The following LTF variants were observed in gnomAD, a reference collection of about 807,000 sequenced individuals.
LTF encodes epididymis luminal protein 110.
In LTF, 91 loss-of-function variants were observed where a neutral mutation model predicts 87.2. That is an observed-to-expected ratio of 1.04 (90% CI 0.88 to 1.24). The LOEUF (loss-of-function observed/expected upper bound fraction) is 1.24, where lower values mean the gene tolerates loss of function less well. LTF is among the 50% of genes most tolerant of loss of function. The pLI, the probability that LTF is intolerant of heterozygous loss-of-function variation, is 0.00. For synonymous variants in LTF, 378 were observed against 356.1 expected (o/e 1.06, Z -0.69); for missense variants, 901 against 904.3 (o/e 1.00, Z 0.05).
intron 7 of LTF, 148 bp from the exon 8 acceptor site, chr3:46,450,176 C>A (rs1702767926): frequency 1.4e-6 from 1 of 702,068 alleles, no homozygotes; most frequent in Admixed American, 3.0e-5. Context: ...GGGACTTGTG[C>A]CATCTCGGAG....
intron 12 of LTF, among the ~76,000 whole-genome samples, chr3:46,444,613 C>T (rs1302564548): frequency 6.6e-6 from 1 of 152,216 alleles, no homozygotes; most frequent in African/African-American, 2.4e-5. Flanking sequence ...TGGTGAGGAG[C>T]AGAGCCACGT....
In LTF at chr3:46,459,606, C is replaced by G. The variant is rs376338792; in HGVS notation, c.207+50G>C. ...TCGTGTTCTATCTTTTTCCATTTCTCTCTCCCTTCCATTCAGCTTGGTCCC... is the reference window on the plus strand; with the variant it reads ...TCGTGTTCTATCTTTTTCCATTTCTGTCTCCCTTCCATTCAGCTTGGTCCC... On this transcript the variant is annotated intron_variant, in intron 2 of 16. Transcript: ENST00000231751. 6 of 1,365,360 alleles carry G rather than the reference C, an allele frequency of 4.4e-6. No individual in the cohort carries two copies. In the African/African-American group the frequency reaches 9.0e-5, roughly 20 times the overall value. The allele number at this position is 1,365,360 out of a possible 1,614,324, so 84.6% of individuals were successfully genotyped here.
rs367549612 is a variant in LTF at position 46,442,724 on chromosome 3, T to G, written c.1655+717A>C. On this transcript the variant is annotated intron_variant, in intron 13 of 16. Coordinates refer to ENST00000231751, the MANE Select transcript of LTF (RefSeq NM_002343.6). ...ATTACTGGAACAAGGCTGTTGAATT[T>G]ATATTAAAAAGTTCAGACACCCTCA... Among the ~76,000 whole-genome samples, 4 of 152,216 alleles carry G rather than the reference T, an allele frequency of 2.6e-5. No individual in the cohort carries two copies. In the East Asian group the frequency reaches 7.7e-4, roughly 29 times the overall value.
At chr3:46,469,773 T>C (rs2106915895), upstream of LTF, among the ~76,000 whole-genome samples, 1 of 152,258 alleles carries the variant, frequency 6.6e-6, no homozygotes, top group African/African-American at 2.4e-5. Flanking sequence ...CCTAAGAGTC[T>C]GGGAACGTTT....
intron 15 of LTF, among the ~76,000 whole-genome samples, 181 bp downstream of exon 15, chr3:46,439,115 G>T (rs1559590951): frequency 1.3e-5 from 2 of 152,158 alleles, no homozygotes; most frequent in Admixed American, 6.5e-5. Flanking sequence ...AGAGTCAAAA[G>T]CCTCTGTTGT....
upstream of LTF, chr3:46,468,301 G>A (rs2106914242): frequency 2.2e-6 from 1 of 456,744 alleles, no homozygotes; most frequent in East Asian, 6.9e-5. Flanking sequence ...GCCAGGAGTT[G>A]GGTCAGATCT....
intron 10 of LTF, among the ~76,000 whole-genome samples, chr3:46,446,754 C>T (rs1465800740): frequency 6.6e-6 from 1 of 152,122 alleles, no homozygotes; most frequent in Non-Finnish European, 1.5e-5. Context: ...ACTCACACAG[C>T]GACGAGACTG....
At chr3:46,440,707 C>T (rs1019515428) in intron 14 of LTF, among the ~76,000 whole-genome samples, 2 of 152,186 alleles carry the variant, frequency 1.3e-5, no homozygotes, top group African/African-American at 4.8e-5. Flanking sequence ...GCTGAGACTG[C>T]AGTGATTACT....
At position 46,450,064 on chromosome 3, in the gene LTF, T is replaced by C. The variant is rs2106863888; in HGVS notation, c.883-36A>G. On this transcript the variant is annotated intron_variant, in intron 7 of 16. Coordinates refer to ENST00000231751, the MANE Select transcript of LTF (RefSeq NM_002343.6). The stretch of plus-strand genomic sequence containing the variant: ...AAAAATAGAATTATGGTGTCAATGG[T>C]AAATAGGGAGGAAACAAAAAAATGA... 2.0e-6 allele frequency: 3 copies of C among 1,493,602 alleles called. No homozygotes were observed. In the East Asian group the frequency reaches 6.8e-5, roughly 34 times the overall value. The allele number at this position is 1,493,602 out of a possible 1,614,324, so 92.5% of individuals were successfully genotyped here.
At chr3:46,464,739 A>G in intron 1 of LTF, 86 bp downstream of exon 1, 2 of 1,502,158 alleles carry the variant, frequency 1.3e-6, no homozygotes, top group South Asian at 1.2e-5. Flanking sequence ...CGCCCAGCCA[A>G]CCGGACACAG....
chr3:46,452,297 C>T (rs1456264481), intron 6 of LTF, among the ~76,000 whole-genome samples: 2 of 152,066 alleles, frequency 1.3e-5, no homozygotes, highest in African/African-American at 2.4e-5. Context: ...AATAATTAGC[C>T]TCCCACAAAG....
intron 15 of LTF, 102 bp from the exon 16 acceptor site, chr3:46,438,231 A>G: frequency 3.1e-6 from 3 of 956,036 alleles, no homozygotes; most frequent in Non-Finnish European, 4.9e-6. Flanking sequence ...GCCCTGAGAA[A>G]ACCATGGGGC....
intron 12 of LTF, among the ~76,000 whole-genome samples, chr3:46,444,267 T>A (rs1353334971): frequency 1.3e-5 from 2 of 152,118 alleles, no homozygotes; most frequent in African/African-American, 4.8e-5. Context: ...AAAGCCCAGG[T>A]TCCAGACCCC....
intron 1 of LTF, among the ~76,000 whole-genome samples, chr3:46,478,582 C>T (rs1465181967): frequency 6.6e-6 from 1 of 152,148 alleles, no homozygotes; most frequent in Non-Finnish European, 1.5e-5. Flanking sequence ...GAGGAAGCAG[C>T]CGCAGGATGC....
chr3:46,484,183 AT>A (rs1703487082), intron 1 of LTF, among the ~76,000 whole-genome samples: 1 of 152,216 alleles, frequency 6.6e-6, no homozygotes, highest in African/African-American at 2.4e-5. Flanking sequence ...GAGCATGGAA[AT>A]TCGTAAATGG....
intron 1 of LTF, chr3:46,463,495 G>A (rs1236157685): frequency 1.9e-5 from 19 of 985,628 alleles, no homozygotes; most frequent in South Asian, 4.7e-5. Context: ...GAATTCCACA[G>A]GGCAACTGCC....
chr3:46,438,334 G>A (rs1015318663), intron 15 of LTF, among the ~76,000 whole-genome samples: 1 of 152,110 alleles, frequency 6.6e-6, no homozygotes, highest in Non-Finnish European at 1.5e-5. Flanking sequence ...CAGCATCCAG[G>A]CCTCGCACCA....
intron 1 of LTF, chr3:46,463,352 A>G (rs1575323715): frequency 1.7e-6 from 1 of 578,106 alleles, no homozygotes. Flanking sequence ...GGGAAACCTC[A>G]TGAGTGCCTC....
In LTF at chr3:46,454,421, G is replaced by C. The variant is rs961008432; in HGVS notation, c.648-61C>G. ...CAGCCCTCCCCAGCCCCTCCCTGTG[G>C]AACAGTAGCCCTGGCACTCAGCATC... is the stretch of plus-strand genomic sequence containing the variant. On this transcript the variant is annotated intron_variant, in intron 5 of 16. Coordinates refer to ENST00000231751, the MANE Select transcript of LTF (RefSeq NM_002343.6). 6 of 1,360,680 alleles carry C rather than the reference G, an allele frequency of 4.4e-6. No homozygotes were observed. The African/African-American group carries it at 8.6e-5, about 19-fold the overall frequency. The allele number at this position is 1,360,680 out of a possible 1,614,324, so 84.3% of individuals were successfully genotyped here.
Sources: gnomAD v4.1 joint callset for allele counts (sites outside exome capture counted in the v4.1 genomes callset) on GRCh38, gnomAD v4.1.1 for gene constraint, MANE v1.5 for transcripts, NCBI Gene and HGNC (gene_info 2026-07-23, HGNC 2026-07-21) for gene names.